BACH1: variants seen among roughly 807,000 people sequenced by gnomAD.
BACH1 encodes transcription regulator protein BACH1.
A neutral mutation model predicts 52.9 loss-of-function variants in BACH1; 35 were observed. The observed-to-expected ratio is 0.66, with a 90% CI of 0.51 to 0.88. BACH1 has a LOEUF of 0.88. Ranked by LOEUF, BACH1 falls within the 40% of genes least tolerant of loss-of-function variation. The probability of loss-of-function intolerance (pLI) is 0.00; values close to 1 mark genes in which losing one functional copy is unlikely to be tolerated. For missense variants in BACH1, 808 were observed against 872.6 expected (o/e 0.93, Z 0.93); for synonymous variants, 321 against 319.6 (o/e 1.00, Z -0.05).
chr21:29,349,115 CTT>C (rs1357509556), downstream of BACH1, among the ~76,000 whole-genome samples: 1 of 151,608 alleles, frequency 6.6e-6, no homozygotes, highest in Admixed American at 6.6e-5. Flanking sequence ...AAAAATCTAT[CTT>C]TACATAGATT....
intron 1 of BACH1, among the ~76,000 whole-genome samples, chr21:29,309,683 T>C (rs2088698621): frequency 6.6e-6 from 1 of 152,256 alleles, no homozygotes; most frequent in Admixed American, 6.5e-5. Context: ...GAGATCCTTA[T>C]TAAGCTTAAC....
Position 29,344,634 on chromosome 21 carries a change from TTG to T in BACH1, c.*1835_*1836del, listed in dbSNP as rs10595449. 0.11 allele frequency: 16,569 copies of T among 149,064 alleles called. 876 individuals carry two copies. The highest frequency in any genetic ancestry group is 0.18 in the South Asian group (854 of 4,670). The allele number at this position is 149,064 out of a possible 1,614,324, so 9.2% of individuals were successfully genotyped here. A position where few individuals can be genotyped will look rare whatever the true frequency, so the allele number is the denominator to read the frequency against. ...AGTGCATCCCATACTGCAAAAGAATTTGTGTGTGTGTGTGTGTGTGTGTGTGT... is the reference window on the plus strand; with the variant it reads ...AGTGCATCCCATACTGCAAAAGAATTTGTGTGTGTGTGTGTGTGTGTGTGT... On this transcript the variant is annotated 3_prime_UTR_variant, in exon 5 of 5. Coordinates refer to ENST00000286800, the MANE Select transcript of BACH1 (RefSeq NM_001186.4).
chr21:29,338,030 G>A (rs1281434234), intron 4 of BACH1, among the ~76,000 whole-genome samples: 3 of 152,144 alleles, frequency 2.0e-5, no homozygotes, highest in East Asian at 1.9e-4. Flanking sequence ...CCTGCACGTT[G>A]TGCACATGTA....
chr21:29,359,685 AAAT>A (rs2089259467), intron 2 of BACH1, among the ~76,000 whole-genome samples: 1 of 152,042 alleles, frequency 6.6e-6, no homozygotes, highest in Non-Finnish European at 1.5e-5. Flanking sequence ...TTTTATTCCT[AAAT>A]AAAATAACTA....
At chr21:29,314,367 T>C (rs1468273529) in intron 1 of BACH1, among the ~76,000 whole-genome samples, 1 of 152,146 alleles carries the variant, frequency 6.6e-6, no homozygotes, top group African/African-American at 2.4e-5. Flanking sequence ...CTTTGAGGAG[T>C]CTATAACTTT....
chr21:29,347,767 C>G (rs1420974203), downstream of BACH1, among the ~76,000 whole-genome samples: 1 of 152,218 alleles, frequency 6.6e-6, no homozygotes, highest in Admixed American at 6.5e-5. Context: ...TCAAAGGCTA[C>G]TCTGTACCAA....
intron 2 of BACH1, among the ~76,000 whole-genome samples, chr21:29,355,451 G>A (rs1273382655): frequency 1.3e-5 from 2 of 152,150 alleles, no homozygotes; most frequent in African/African-American, 2.4e-5. Context: ...AAGGCCAGCT[G>A]GCTTCACCTC....
At chr21:29,337,925 G>T (rs914016788) in intron 4 of BACH1, among the ~76,000 whole-genome samples, 38 of 151,712 alleles carry the variant, frequency 2.5e-4, no homozygotes. Context: ...GCGAAACTCC[G>T]TCTTAAAACA....
chr21:29,331,730 A>C (rs1006094741), intron 4 of BACH1, among the ~76,000 whole-genome samples: 1 of 152,172 alleles, frequency 6.6e-6, no homozygotes, highest in African/African-American at 2.4e-5. Context: ...TCGGAAAAAT[A>C]GGATAATACT....
intron 1 of BACH1, among the ~76,000 whole-genome samples, chr21:29,304,688 T>C (rs1830620936): frequency 6.6e-6 from 1 of 152,200 alleles, no homozygotes; most frequent in Non-Finnish European, 1.5e-5. Context: ...CTCTTCTTTT[T>C]ATTGATTTGT....
chr21:29,321,199 A>T (rs1279484918), intron 1 of BACH1, 22 bp from the exon 2 acceptor site: 16 of 1,163,778 alleles, frequency 1.4e-5, no homozygotes, highest in Non-Finnish European at 1.5e-5. Context: ...ATTTAAGTGA[A>T]ATCTTGCATG....
intron 3 of BACH1, among the ~76,000 whole-genome samples, chr21:29,328,299 G>C (rs2088938827): frequency 6.6e-6 from 1 of 152,116 alleles, no homozygotes. Flanking sequence ...TGTATATTCT[G>C]TTTGTATTTG....
intron 1 of BACH1, among the ~76,000 whole-genome samples, chr21:29,307,486 ACT>A (rs982560170): frequency 6.6e-6 from 1 of 152,116 alleles, no homozygotes; most frequent in African/African-American, 2.4e-5. Flanking sequence ...ATCCCCACCC[ACT>A]GTTTTACTTT....
downstream of BACH1, among the ~76,000 whole-genome samples, chr21:29,347,120 C>G (rs1282239546): frequency 1.3e-5 from 2 of 152,166 alleles, no homozygotes; most frequent in Admixed American, 1.3e-4. Flanking sequence ...AAATAGCACC[C>G]TTTCCCTGGC....
chr21:29,299,397 A>G (rs1210061299), intron 1 of BACH1: 1 of 150,876 alleles, frequency 6.6e-6, no homozygotes, highest in African/African-American at 2.5e-5. Context: ...GCCGCCTCCC[A>G]CCGCATGCCC....
At chr21:29,351,775 A>C (rs765884663) in intron 2 of BACH1, 1 of 534,420 alleles carries the variant, frequency 1.9e-6, no homozygotes, top group South Asian at 1.4e-5. Context: ...GAAGTTTAAC[A>C]CAGGAATGAG....
intron 4 of BACH1, among the ~76,000 whole-genome samples, chr21:29,332,531 G>A (rs748701008): frequency 2.6e-5 from 4 of 152,210 alleles, no homozygotes; most frequent in Non-Finnish European, 5.9e-5. Flanking sequence ...GTTGTAGGGA[G>A]ATAGGTACCT....
rs147937756 is a variant in BACH1 at position 29,357,171 on chromosome 21, G to A, written c.472+27478G>A. 3.0e-4 allele frequency among the ~76,000 whole-genome samples: 45 copies of A among 152,304 alleles called. 1 individual carries two copies. Among genetic ancestry groups the A allele is most frequent in the African/African-American group, 9.4e-4 (39 of 41,562 alleles). ...TCTTCTTCCCTTTCCCAGTTCTAAG[G>A]CTCGGGTCAGTGCCACTAGTTCTGC... On this transcript the variant is annotated intron_variant, in intron 2 of 4. Transcript: ENST00000422809.
chr21:29,303,735 A>G (rs147347072), intron 1 of BACH1, among the ~76,000 whole-genome samples: 220 of 152,328 alleles, frequency 1.4e-3, no homozygotes, highest in African/African-American at 5.1e-3. Context: ...TAGATGTTAA[A>G]TGTCTTATAT....
Sources: gnomAD v4.1 joint callset for allele counts (sites outside exome capture counted in the v4.1 genomes callset) on GRCh38, gnomAD v4.1.1 for gene constraint, MANE v1.5 for transcripts, NCBI Gene and HGNC (gene_info 2026-07-23, HGNC 2026-07-21) for gene names.